The following RTCB variants were observed in gnomAD, a reference collection of about 807,000 sequenced individuals.
RTCB encodes the protein RNA 2',3'-cyclic phosphate and 5'-OH ligase, also known as RNA-splicing ligase RTCB.
In RTCB, 32 loss-of-function variants were observed where a neutral mutation model predicts 58.2. That is an observed-to-expected ratio of 0.55 (90% confidence interval 0.41 to 0.74). The LOEUF is 0.74. Ranked by LOEUF, RTCB falls within the 30% of genes least tolerant of loss-of-function variation. RTCB has a pLI of 0.00. For missense variants in RTCB, 523 were observed against 639.0 expected (o/e 0.82, Z 1.96); for synonymous variants, 247 against 218.6 (o/e 1.13, Z -1.15).
chr22:32,390,214 C>T (rs1933129060), intron 11 of RTCB, among the ~76,000 whole-genome samples: 2 of 152,166 alleles, frequency 1.3e-5, no homozygotes, highest in Admixed American at 6.5e-5. Flanking sequence ...TGGAAAGCTC[C>T]ACAACGAAGG....
intron 11 of RTCB, among the ~76,000 whole-genome samples, chr22:32,389,781 C>T (rs1933121031): frequency 6.6e-6 from 1 of 152,210 alleles, no homozygotes; most frequent in Admixed American, 6.5e-5. Context: ...TTCTCATCAA[C>T]ATGCAAACAC....
At chr22:32,395,949 C>A (rs981816190) in intron 8 of RTCB, 125 bp downstream of exon 8, 18 of 860,734 alleles carry the variant, frequency 2.1e-5, no homozygotes, top group Middle Eastern at 2.6e-4. Context: ...TCCGCCCCCC[C>A]TCGGCCTCCC....
chr22:32,388,289 T>G (rs779398555), intron 11 of RTCB, among the ~76,000 whole-genome samples, 190 bp from the exon 12 acceptor site: 9 of 150,012 alleles, frequency 6.0e-5, no homozygotes, highest in South Asian at 4.1e-4. Context: ...CCAAAACACT[T>G]TCACCTTTTT....
chr22:32,402,211 TCA>T (rs1437886404), intron 4 of RTCB, among the ~76,000 whole-genome samples: 3 of 152,236 alleles, frequency 2.0e-5, no homozygotes, highest in Non-Finnish European at 4.4e-5. Flanking sequence ...ATGAATTTTT[TCA>T]GTCTTTTCAA....
At chr22:32,390,026 T>C (rs944968324) in intron 11 of RTCB, among the ~76,000 whole-genome samples, 3 of 152,172 alleles carry the variant, frequency 2.0e-5, no homozygotes, top group Admixed American at 1.3e-4. Context: ...CACCTCCAGA[T>C]GCCCAGGTAG....
chr22:32,399,607 G>A lies in RTCB; in HGVS notation c.650C>T (p.Pro217Leu). The change falls in exon 6 of 12, where the codon CCT becomes CTT. Residue 217 changes from proline (P) to leucine (L), a missense_variant. Around this residue, in one of 3 missense-constraint regions of RTCB, gnomAD observed 141 missense variants for 216.7 expected, o/e 0.65. Transcript: ENST00000216038. ...VSARAKKRGL[P>L]QLGTLGAGNH... ...TGCCCCTCCAAAGTGAGTTACCTGA[G>A]GAAGGCCTCTTTTCTTCGCCCTTGC... is the stretch of plus-strand genomic sequence containing the variant. The A allele has an allele frequency of 1.2e-6, 2 of 1,610,508 alleles. No individual in the cohort carries two copies. Among genetic ancestry groups the A allele is most frequent in the Non-Finnish European group, 1.7e-6 (2 of 1,178,004 alleles).
intron 4 of RTCB, among the ~76,000 whole-genome samples, chr22:32,403,024 T>A (rs1189678988): frequency 2.0e-5 from 3 of 152,052 alleles, no homozygotes; most frequent in Non-Finnish European, 1.5e-5. Flanking sequence ...GAATTATAGG[T>A]ATGAGCCACC....
intron 4 of RTCB, among the ~76,000 whole-genome samples, chr22:32,405,318 C>T (rs1393062228): frequency 6.6e-6 from 1 of 151,970 alleles, no homozygotes; most frequent in South Asian, 2.1e-4. Flanking sequence ...AAAGTGGTCC[C>T]GAGTGCAAAA....
intron 4 of RTCB, among the ~76,000 whole-genome samples, chr22:32,404,335 T>C (rs1175742727): frequency 6.6e-6 from 1 of 152,222 alleles, no homozygotes; most frequent in Non-Finnish European, 1.5e-5. Flanking sequence ...ACAAGTATTT[T>C]CTACTTACAT....
intron 10 of RTCB, 73 bp from the exon 11 acceptor site, chr22:32,392,432 C>T (rs911220886): frequency 1.3e-6 from 2 of 1,591,768 alleles, no homozygotes; most frequent in East Asian, 4.5e-5. Context: ...TTCTCTCACA[C>T]TAAAAAGGAG....
chr22:32,403,872 A>T (rs140941350), intron 4 of RTCB, among the ~76,000 whole-genome samples: 16 of 152,358 alleles, frequency 1.1e-4, no homozygotes, highest in African/African-American at 3.8e-4. Flanking sequence ...TGTTAGCACC[A>T]TTCTACTCTC....
At chr22:32,395,994 C>A in intron 8 of RTCB, 80 bp downstream of exon 8, 1 of 1,445,478 alleles carries the variant, frequency 6.9e-7, no homozygotes, top group Non-Finnish European at 9.5e-7. Context: ...GCCACCGTGT[C>A]CAGCCTGGAC....
chr22:32,403,311 G>A (rs1057126354), intron 4 of RTCB, among the ~76,000 whole-genome samples: 16 of 152,180 alleles, frequency 1.1e-4, no homozygotes, highest in African/African-American at 3.4e-4. Flanking sequence ...GGAGGCTGAG[G>A]CAGGAGAATG....
chr22:32,392,769 A>G (rs534084288), intron 10 of RTCB, among the ~76,000 whole-genome samples: 2 of 152,284 alleles, frequency 1.3e-5, no homozygotes, highest in South Asian at 2.1e-4. Context: ...ACAATCAGAA[A>G]AAAAAGTAGG....
intron 10 of RTCB, among the ~76,000 whole-genome samples, chr22:32,393,174 G>A (rs1174285213): frequency 1.3e-5 from 2 of 152,152 alleles, no homozygotes; most frequent in African/African-American, 2.4e-5. Flanking sequence ...GGCTTCAAGT[G>A]CTCCTCCTGC....
At chr22:32,398,582 A>G (rs2145893096) in intron 6 of RTCB, among the ~76,000 whole-genome samples, 1 of 152,344 alleles carries the variant, frequency 6.6e-6, no homozygotes, top group East Asian at 1.9e-4. Flanking sequence ...GTCACAAACC[A>G]GCACATGTAT....
At chr22:32,411,189 G>C (rs1329047082) in intron 1 of RTCB, among the ~76,000 whole-genome samples, 1 of 152,200 alleles carries the variant, frequency 6.6e-6, no homozygotes, top group Non-Finnish European at 1.5e-5. Flanking sequence ...AGTGACTATT[G>C]GGAGCTGTTT....
chr22:32,394,988 C>A, intron 9 of RTCB, 38 bp downstream of exon 9: 19 of 1,531,632 alleles, frequency 1.2e-5, no homozygotes, highest in Non-Finnish European at 1.6e-5. Context: ...CTAAATCGTG[C>A]CCCCACTGCT....
chr22:32,399,886 C>A (rs1408040660), intron 5 of RTCB, 127 bp from the exon 6 acceptor site: 1 of 842,298 alleles, frequency 1.2e-6, no homozygotes, highest in Non-Finnish European at 1.8e-6. Context: ...AGCCTTGAGT[C>A]AGATACAAAG....
Sources: allele counts gnomAD v4.1 joint callset (sites outside exome capture counted in the v4.1 genomes callset), GRCh38; gene constraint gnomAD v4.1.1; regional missense constraint gnomAD v4.1.1; transcripts MANE v1.5; gene names NCBI Gene and HGNC (gene_info 2026-07-23, HGNC 2026-07-21).